RIPOR3: variants seen among roughly 807,000 people sequenced by gnomAD.
RIPOR3 encodes RIPOR family member 3, also known as family with sequence similarity 65 member C.
RIPOR3 carries 95 observed loss-of-function variants against 114.3 expected under a neutral mutation model. The ratio of observed to expected loss-of-function variants is 0.83; its 90% CI spans 0.70 to 0.99. The LOEUF (loss-of-function observed/expected upper bound fraction) is 0.99. RIPOR3 is among the 50% of genes least tolerant of loss of function. The pLI is 0.00. For missense variants in RIPOR3, 1,252 were observed against 1,266.9 expected, an observed-to-expected ratio of 0.99 and a Z score of 0.18; for synonymous variants, 575 against 543.8, an observed-to-expected ratio of 1.06 and a Z score of -0.80.
At chr20:50,672,461 G>A (rs915030808) in intron 1 of RIPOR3, among the ~76,000 whole-genome samples, 2 of 152,166 alleles carry the variant, frequency 1.3e-5, no homozygotes, top group Non-Finnish European at 2.9e-5. Flanking sequence ...CATTGATTAT[G>A]TTCCCCATGA....
Position 50,602,656 on chromosome 20 carries a change from AC to A in RIPOR3, c.1087-13del. The A allele has an allele frequency of 6.9e-7, 1 of 1,446,352 alleles. No homozygotes were observed. The highest frequency in any genetic ancestry group is 1.6e-5 in the South Asian group (1 of 61,166). 89.6% of individuals were successfully genotyped at this position (1,446,352 alleles called of 1,614,324 possible). Reference sequence around the variant, plus strand: ...TGCTGTAGGACAGACTGGAGAGGGGACACGGGAGCGGCCTCACCAGCCACCC... The same window carrying A: ...TGCTGTAGGACAGACTGGAGAGGGGAACGGGAGCGGCCTCACCAGCCACCC... On this transcript the variant is annotated splice_polypyrimidine_tract_variant and intron_variant, in intron 12 of 21. Coordinates refer to ENST00000327979, the MANE Select transcript of RIPOR3 (RefSeq NM_001290268.2). This position sits in a 1 kb window ranked among gnomAD's most constrained non-coding sequence, Gnocchi z 4.3.
rs1024550986 is a variant in RIPOR3, at chr20:50,597,536, G to A, written c.1790+44C>T. 3 of 1,573,806 alleles carry A rather than the reference G, an allele frequency of 1.9e-6. No individual in the cohort carries two copies. The African/African-American group carries it at 4.1e-5, about 21-fold the overall frequency. ...AACGTGGAGCTCGGGTCACCCGGTG[G>A]GAGTGGTGGCCACTGGGTCACTGCT... On this transcript the variant is annotated intron_variant, in intron 14 of 21. Transcript: ENST00000327979.
At chr20:50,681,839 C>T (rs1385625982) in intron 1 of RIPOR3, among the ~76,000 whole-genome samples, 1 of 152,228 alleles carries the variant, frequency 6.6e-6, no homozygotes. Context: ...GCTTGCCTCT[C>T]CTGCAGGAGA....
At chr20:50,621,131 A>G (rs956415695) in intron 2 of RIPOR3, 26 of 371,972 alleles carry the variant, frequency 7.0e-5, no homozygotes, top group African/African-American at 3.9e-4. Flanking sequence ...AAAAAAAAAA[A>G]AAAGAACAGT....
chr20:50,671,123 GTTTTAGTTGTA>G (rs1279722305), intron 1 of RIPOR3, among the ~76,000 whole-genome samples: 5 of 151,948 alleles, frequency 3.3e-5, no homozygotes, highest in African/African-American at 7.2e-5. Flanking sequence ...TTTAGGATTT[GTTTTAGTTGTA>G]TTTTAGTTGT....
chr20:50,677,183 T>G (rs1175766866), intron 1 of RIPOR3, among the ~76,000 whole-genome samples: 1 of 151,934 alleles, frequency 6.6e-6, no homozygotes, highest in African/African-American at 2.4e-5. Context: ...TCGGACTAAC[T>G]CCCTTCATAG....
Position 50,681,349 on chromosome 20 carries a change from C to T in RIPOR3, c.3+9777G>A, listed in dbSNP as rs561307618. On this transcript the variant is annotated intron_variant, in intron 1 of 21. Transcript: ENST00000327979. ...TTTTAGAGAAATTGAGGTTCAAAGA[C>T]GTGATGTAACTGCTCAGAGGTATAC... 2.7e-5 allele frequency among the ~76,000 whole-genome samples: 4 copies of T among 149,066 alleles called. 1 individual carries two copies. In the South Asian group the frequency reaches 6.3e-4, roughly 24 times the overall value.
At chr20:50,595,237 G>C in intron 16 of RIPOR3, 132 bp downstream of exon 16, 1 of 1,240,900 alleles carries the variant, frequency 8.1e-7, no homozygotes, top group Non-Finnish European at 1.1e-6. Flanking sequence ...TCTGAGCCCA[G>C]CCCAGCCACA....
intron 2 of RIPOR3, among the ~76,000 whole-genome samples, chr20:50,628,293 G>A (rs1356685459): frequency 2.0e-5 from 3 of 152,144 alleles, no homozygotes; most frequent in East Asian, 3.9e-4. Context: ...TCGTCTTGGG[G>A]CATCAACTTA....
chr20:50,668,616 G>A (rs924115894), intron 1 of RIPOR3, among the ~76,000 whole-genome samples: 1 of 152,188 alleles, frequency 6.6e-6, no homozygotes, highest in Non-Finnish European at 1.5e-5. Flanking sequence ...CAGCACTTTG[G>A]GAGGTCAAGG....
intron 12 of RIPOR3, among the ~76,000 whole-genome samples, chr20:50,603,922 C>G (rs2083595225): frequency 6.6e-6 from 1 of 152,196 alleles, no homozygotes; most frequent in Admixed American, 6.5e-5. Context: ...TGGCTCATGC[C>G]TGTAATCCCA....
At chr20:50,656,055 G>T (rs1238796366) in intron 1 of RIPOR3, among the ~76,000 whole-genome samples, 1 of 151,650 alleles carries the variant, frequency 6.6e-6, no homozygotes, top group African/African-American at 2.4e-5. Context: ...GCCCAGGCTG[G>T]AGTGCAGTAG....
intron 5 of RIPOR3, 52 bp from the exon 6 acceptor site, chr20:50,610,958 T>C (rs1166452961): frequency 1.2e-6 from 2 of 1,610,134 alleles, no homozygotes; most frequent in East Asian, 2.2e-5. Context: ...GCCACCCACC[T>C]GCCCCGCTTG....
intron 1 of RIPOR3, among the ~76,000 whole-genome samples, chr20:50,678,929 C>T (rs536304202): frequency 4.7e-5 from 7 of 150,342 alleles, no homozygotes; most frequent in African/African-American, 1.7e-4. Flanking sequence ...CAAAGTGAGA[C>T]TTCATCTCTA....
In RIPOR3 at chr20:50,586,999, G is replaced by C. The variant is rs2082941421; in HGVS notation, c.*233C>G. 5.8e-6 allele frequency: 3 copies of C among 516,262 alleles called. No homozygotes were observed. The highest frequency in any genetic ancestry group is 7.0e-6 in the Non-Finnish European group (2 of 286,286). 32.0% of individuals were successfully genotyped at this position (516,262 alleles called of 1,614,324 possible). On this transcript the variant is annotated 3_prime_UTR_variant, in exon 22 of 22. Transcript: ENST00000327979. The stretch of plus-strand genomic sequence containing the variant: ...TCAGCCAGAAGTTGAGCGCTCTGTT[G>C]AGGCCGTGCAGCCCCTGGAATGCTG...
chr20:50,611,533 C>T (rs999365329), intron 4 of RIPOR3, among the ~76,000 whole-genome samples: 13 of 152,088 alleles, frequency 8.5e-5, no homozygotes. Context: ...GCCTACCTCA[C>T]AGGGAGAAAA....
intron 1 of RIPOR3, among the ~76,000 whole-genome samples, chr20:50,668,980 A>T (rs1485705661): frequency 6.6e-6 from 1 of 152,050 alleles, no homozygotes; most frequent in Admixed American, 6.6e-5. Context: ...ATGTGTTCAC[A>T]TATGCACACA....
At chr20:50,652,609 A>AAAAG (rs1555866776) in intron 1 of RIPOR3, among the ~76,000 whole-genome samples, 3 of 146,810 alleles carry the variant, frequency 2.0e-5, no homozygotes, top group African/African-American at 2.5e-5. Context: ...AAAAAAAAAA[A>AAAAG]AAAAGAAAAG....
At chr20:50,610,155 CCCCTGCCAA>C (rs1321219512) in intron 6 of RIPOR3, among the ~76,000 whole-genome samples, 9 of 148,872 alleles carry the variant, frequency 6.0e-5, no homozygotes, top group Non-Finnish European at 3.0e-5. Context: ...TCACCTGCCA[CCCCTGCCAA>C]CCCTGTCTCA....
Sources: allele counts gnomAD v4.1 joint callset (sites outside exome capture counted in the v4.1 genomes callset), GRCh38; gene constraint gnomAD v4.1.1; non-coding constraint Gnocchi (gnomAD v3.1); transcripts MANE v1.5; gene names NCBI Gene and HGNC (gene_info 2026-07-23, HGNC 2026-07-21).